SIM1: variants seen among roughly 807,000 people sequenced by gnomAD.
SIM1 encodes single-minded homolog 1.
SIM1 carries 18 observed loss-of-function variants against 78.2 expected under a neutral mutation model. That is an observed-to-expected ratio of 0.23 (90% CI 0.16 to 0.34). The LOEUF (loss-of-function observed/expected upper bound fraction) is 0.34. Ranked by LOEUF, SIM1 falls within the 10% of genes least tolerant of loss-of-function variation. The pLI is 1.00. For synonymous variants in SIM1, 417 were observed against 385.2 expected, an observed-to-expected ratio of 1.08 and a Z score of -0.97; for missense variants, 939 against 975.1, an observed-to-expected ratio of 0.96 and a Z score of 0.49.
At chr6:100,411,321 T>C (rs1771186685) in intron 10 of SIM1, among the ~76,000 whole-genome samples, 1 of 152,176 alleles carries the variant, frequency 6.6e-6, no homozygotes, top group Non-Finnish European at 1.5e-5. Context: ...ACATGAAGAC[T>C]AGAAAGCCCA....
intron 10 of SIM1, among the ~76,000 whole-genome samples, chr6:100,397,407 A>G (rs1262322195): frequency 6.6e-6 from 1 of 152,226 alleles, no homozygotes; most frequent in African/African-American, 2.4e-5. Flanking sequence ...CTGATTTTTG[A>G]CAATTCAGTG....
chr6:100,458,238 G>T (rs1037403933), intron 2 of SIM1, among the ~76,000 whole-genome samples: 1 of 152,210 alleles, frequency 6.6e-6, no homozygotes, highest in Non-Finnish European at 1.5e-5. Context: ...CAGCGTTCAT[G>T]AGACAGTCCT....
intron 10 of SIM1, among the ~76,000 whole-genome samples, chr6:100,396,932 T>A (rs1031218239): frequency 2.0e-5 from 3 of 152,228 alleles, no homozygotes; most frequent in African/African-American, 7.2e-5. Flanking sequence ...AGACTTTATC[T>A]AACTTGTCTT....
Position 100,387,479 on chromosome 6 carries a change from T to C in SIM1, c.*2882A>G, listed in dbSNP as rs150405245. ...TGTATATTAAGAAAGTACATTGTCA[T>C]CAAATGTCTTAACTTACCTTGGGTC... On this transcript the variant is annotated 3_prime_UTR_variant, in exon 12 of 12. Transcript: ENST00000369208. The C allele has an allele frequency of 6.6e-6, 1 of 152,196 alleles. No individual in the cohort carries two copies. Among genetic ancestry groups the C allele is most frequent in the East Asian group, 1.9e-4 (1 of 5,188 alleles). The allele number at this position is 152,196 out of a possible 1,614,324, so 9.4% of individuals were successfully genotyped here.
intron 10 of SIM1, among the ~76,000 whole-genome samples, chr6:100,402,703 G>A (rs1328044542): frequency 1.3e-5 from 2 of 149,706 alleles, no homozygotes; most frequent in Admixed American, 6.7e-5. Context: ...TCAGCCTCGC[G>A]AGTAGCTGGG....
chr6:100,461,554 C>G (rs1357394594), intron 2 of SIM1, among the ~76,000 whole-genome samples: 1 of 152,210 alleles, frequency 6.6e-6, no homozygotes, highest in Non-Finnish European at 1.5e-5. Flanking sequence ...TTGACGAGAC[C>G]GGCTGGAAAT....
intron 10 of SIM1, among the ~76,000 whole-genome samples, chr6:100,398,736 C>G (rs1343324078): frequency 2.0e-5 from 3 of 152,046 alleles, no homozygotes; most frequent in Admixed American, 6.5e-5. Flanking sequence ...CATGGGTGTA[C>G]AAATATGTCT....
In SIM1 at chr6:100,396,135, T is replaced by A. The variant is rs947956846; in HGVS notation, c.1168-2246A>T. On this transcript the variant is annotated intron_variant, in intron 10 of 11. Transcript: ENST00000369208. ...CTTTTCACAAGATATCGCCTTCACTTTCACCAAAGCAGGGCTGGCGCTTCC... is the reference window on the plus strand; with the variant it reads ...CTTTTCACAAGATATCGCCTTCACTATCACCAAAGCAGGGCTGGCGCTTCC... The A allele has an allele frequency of 9.4e-6, 9 of 962,538 alleles. No homozygotes were observed. The African/African-American group carries it at 1.6e-4, about 17-fold the overall frequency. 59.6% of individuals were successfully genotyped at this position (962,538 alleles called of 1,614,324 possible). A position where few individuals can be genotyped will look rare whatever the true frequency, so the allele number is the denominator to read the frequency against.
chr6:100,385,339 A>C lies in SIM1; in HGVS notation c.*5022T>G, dbSNP rs1770492796. 6.6e-6 allele frequency: 1 copy of C among 152,078 alleles called. No individual in the cohort carries two copies. The highest frequency in any genetic ancestry group is 2.1e-4 in the South Asian group (1 of 4,828). 9.4% of individuals were successfully genotyped at this position (152,078 alleles called of 1,614,324 possible). ...TCAAAAAACAAATGTAAAATATTTT[A>C]TCTTTTTTGAAGTGTCTACTCATAA... On this transcript the variant is annotated 3_prime_UTR_variant, in exon 12 of 12. Transcript: ENST00000369208.
intron 10 of SIM1, among the ~76,000 whole-genome samples, chr6:100,397,373 G>A (rs1562233290): frequency 6.6e-6 from 1 of 152,176 alleles, no homozygotes; most frequent in Non-Finnish European, 1.5e-5. Flanking sequence ...GGCGGAAAAT[G>A]TGACAAACTT....
chr6:100,421,036 G>A, intron 9 of SIM1, 78 bp from the exon 10 acceptor site: 1 of 1,442,168 alleles, frequency 6.9e-7, no homozygotes, highest in East Asian at 2.4e-5. Flanking sequence ...AGGAATGATA[G>A]TAATCCGAAT....
chr6:100,463,170 C>A (rs1772897686), intron 2 of SIM1, 124 bp downstream of exon 2: 1 of 894,196 alleles, frequency 1.1e-6, no homozygotes, highest in Middle Eastern at 3.6e-4. Flanking sequence ...CCGAGCTAAA[C>A]TTCCCTTTGC....
rs142001168 is a variant in SIM1 at position 100,394,265 on chromosome 6, CAGAG to C, written c.1168-380_1168-377del. 1.0e-3 allele frequency among the ~76,000 whole-genome samples: 155 copies of C among 152,300 alleles called. 1 individual carries two copies. Among genetic ancestry groups the C allele is most frequent in the African/African-American group, 2.2e-3 (93 of 41,562 alleles). ...GTTTAGGGATAGAGAAGCTAACGCT[CAGAG>C]AGAGAAAGTGATTTGCCCAAAGCCA... On this transcript the variant is annotated intron_variant, in intron 10 of 11. Coordinates refer to ENST00000369208, the MANE Select transcript of SIM1 (RefSeq NM_005068.3).
At chr6:100,422,910 T>C (rs17060562) in intron 9 of SIM1, among the ~76,000 whole-genome samples, 5,722 of 152,212 alleles carry the variant, frequency 0.038, 205 homozygotes, top group East Asian at 0.18. Flanking sequence ...TGCAACAATA[T>C]CACTGCCACC....
intron 9 of SIM1, 38 bp downstream of exon 9, chr6:100,447,230 G>T (rs778652442): frequency 6.2e-7 from 1 of 1,601,986 alleles, no homozygotes; most frequent in East Asian, 2.2e-5. Context: ...GAGCAGGGTC[G>T]CCTGGGGTGG....
Position 100,412,621 on chromosome 6 carries a change from AAG to A in SIM1, c.1167+8167_1167+8168del, listed in dbSNP as rs1562239717. On this transcript the variant is annotated intron_variant, in intron 10 of 11. Coordinates refer to ENST00000369208, the MANE Select transcript of SIM1 (RefSeq NM_005068.3). ...AAAGAAAGAAAGAAAGGAAAGAAAG[AAG>A]GAAAGAAAGAAAGAAAAGAAAGAAA... is the stretch of plus-strand genomic sequence containing the variant. Among the ~76,000 whole-genome samples, 180 of 96,666 alleles carry A rather than the reference AAG, an allele frequency of 1.9e-3. 9 individuals are homozygous for A. The highest frequency in any genetic ancestry group is 5.9e-3 in the African/African-American group (168 of 28,340). The allele number at this position is 96,666 out of a possible 152,430, so 63.4% of individuals were successfully genotyped here. A position where few individuals can be genotyped will look rare whatever the true frequency, so the allele number is the denominator to read the frequency against.
At chr6:100,412,457 A>AGTTT (rs1344312010) in intron 10 of SIM1, among the ~76,000 whole-genome samples, 3 of 151,004 alleles carry the variant, frequency 2.0e-5, no homozygotes, top group Non-Finnish European at 4.4e-5. Flanking sequence ...GAATTGCTTG[A>AGTTT]ACCCAGGAGG....
chr6:100,463,108 C>A (rs1397889428), intron 2 of SIM1, 186 bp downstream of exon 2: 1 of 531,278 alleles, frequency 1.9e-6, no homozygotes. Context: ...GTAGAGGGAG[C>A]CTCAAAAAAG....
At chr6:100,452,468 A>G (rs903942741) in intron 3 of SIM1, among the ~76,000 whole-genome samples, 12 of 152,168 alleles carry the variant, frequency 7.9e-5, no homozygotes, top group African/African-American at 2.9e-4. Context: ...AATTCTTGCT[A>G]TCAAAATGTG....
Sources: allele counts gnomAD v4.1 joint callset (sites outside exome capture counted in the v4.1 genomes callset), GRCh38; gene constraint gnomAD v4.1.1; transcripts MANE v1.5; gene names NCBI Gene and HGNC (gene_info 2026-07-23, HGNC 2026-07-21).